Variants in TBRG1 observed in about 807,000 individuals in gnomAD.
The protein encoded by TBRG1 is transforming growth factor beta regulator 1.
In TBRG1, 31 loss-of-function variants were observed where a neutral mutation model predicts 44.0. The ratio of observed to expected loss-of-function variants is 0.70; its 90% CI spans 0.53 to 0.95. The LOEUF (loss-of-function observed/expected upper bound fraction) is 0.95, where lower values mean the gene tolerates loss of function less well. Ranked by LOEUF, TBRG1 falls within the 40% of genes least tolerant of loss-of-function variation. The pLI, the probability that TBRG1 is intolerant of heterozygous loss-of-function variation, is 0.00. For missense variants in TBRG1, 487 were observed against 496.1 expected (o/e 0.98, Z 0.18); for synonymous variants, 171 against 188.1 (o/e 0.91, Z 0.74).
At position 124,634,389 on chromosome 11, in the gene TBRG1, CT is replaced by C. The variant is rs1232437496; in HGVS notation, c.*2155del. The C allele has an allele frequency of 6.6e-6, 1 of 152,076 alleles. No individual in the cohort carries two copies. Among genetic ancestry groups the C allele is most frequent in the East Asian group, 1.9e-4 (1 of 5,186 alleles). The allele number at this position is 152,076 out of a possible 1,614,324, so 9.4% of individuals were successfully genotyped here. A position where few individuals can be genotyped will look rare whatever the true frequency, so the allele number is the denominator to read the frequency against. ...CACTGCCTTAGTATACTTAAACTAT[CT>C]TTTCATCTATCAGATTGTTAAGGAT... On this transcript the variant is annotated 3_prime_UTR_variant, in exon 9 of 9. Coordinates refer to ENST00000441174, the MANE Select transcript of TBRG1 (RefSeq NM_032811.3).
intron 7 of TBRG1, chr11:124,631,057 T>G (rs11601766): frequency 0.082 from 51,832 of 634,538 alleles, 2,330 homozygotes; most frequent in African/African-American, 0.094. Context: ...ATTACTATTT[T>G]CTGTATGTAC....
At chr11:124,625,053 G>A in intron 2 of TBRG1, 52 bp downstream of exon 2, 1 of 1,295,438 alleles carries the variant, frequency 7.7e-7, no homozygotes, top group Non-Finnish European at 1.1e-6. Flanking sequence ...GATTGATTTG[G>A]TGATTGATAA....
chr11:124,628,114 T>TAC (rs1565400588), intron 5 of TBRG1, among the ~76,000 whole-genome samples: 21 of 45,174 alleles, frequency 4.6e-4, no homozygotes, highest in Non-Finnish European at 6.5e-4. Context: ...TATATATATA[T>TAC]ATACACACAC....
chr11:124,623,001 G>T lies in TBRG1; in HGVS notation c.-83G>T. 7.1e-7 allele frequency: 1 copy of T among 1,412,448 alleles called. No individual in the cohort carries two copies. Among genetic ancestry groups the T allele is most frequent in the South Asian group, 1.5e-5 (1 of 67,950 alleles). The allele number at this position is 1,412,448 out of a possible 1,614,324, so 87.5% of individuals were successfully genotyped here. Reference sequence around the variant, plus strand: ...GGCCCGATTCCGCTAGCCCGGAACAGACAAAGCCAGCGCTCCCGCCCGCTC... The same window carrying T: ...GGCCCGATTCCGCTAGCCCGGAACATACAAAGCCAGCGCTCCCGCCCGCTC... On this transcript the variant is annotated 5_prime_UTR_variant, in exon 1 of 9. Coordinates refer to ENST00000441174, the MANE Select transcript of TBRG1 (RefSeq NM_032811.3).
chr11:124,633,235 T>TA lies in TBRG1; in HGVS notation c.*999dup, dbSNP rs1267884226. The TA allele has an allele frequency of 6.6e-6, 1 of 152,252 alleles. No homozygotes were observed. The highest frequency in any genetic ancestry group is 1.5e-5 in the Non-Finnish European group (1 of 68,052). 9.4% of individuals were successfully genotyped at this position (152,252 alleles called of 1,614,324 possible). On this transcript the variant is annotated 3_prime_UTR_variant, in exon 9 of 9. Coordinates refer to ENST00000441174, the MANE Select transcript of TBRG1 (RefSeq NM_032811.3). Reference sequence around the variant, plus strand: ...AATTGGGGGTTAGTCCCATACTCTATAACAGACTTAGTCCTGTCTTTTCAT... The same window carrying TA: ...AATTGGGGGTTAGTCCCATACTCTATAAACAGACTTAGTCCTGTCTTTTCAT...
rs1942665457 is a variant in TBRG1 at position 124,633,973 on chromosome 11, A to G, written c.*1735A>G. 6.6e-6 allele frequency: 1 copy of G among 152,254 alleles called. No homozygotes were observed. The highest frequency in any genetic ancestry group is 1.5e-5 in the Non-Finnish European group (1 of 68,042). The allele number at this position is 152,254 out of a possible 1,614,324, so 9.4% of individuals were successfully genotyped here. On this transcript the variant is annotated 3_prime_UTR_variant, in exon 9 of 9. Transcript: ENST00000441174. Reference sequence around the variant, plus strand: ...TCAGCTATAATGCATATACAACTATAGTGTGTACGTATACCACATATACAT... The same window carrying G: ...TCAGCTATAATGCATATACAACTATGGTGTGTACGTATACCACATATACAT...
At position 124,626,596 on chromosome 11, in the gene TBRG1, A is replaced by G; in HGVS notation, c.578A>G (p.Tyr193Cys). ...FPIGLGGLTV[Y>C]SLGEIITDRP... ...ATCGGACTAGGGGGTCTAACAGTAT[A>G]TAGCCTGGGGGAGGTGAGTGAGACC... The change falls in exon 4 of 9, where the codon TAT (tyrosine) becomes TGT (cysteine). Residue 193 changes from tyrosine to cysteine, a missense_variant. Physicochemically the swap from Tyr to Cys is radical, Grantham distance 194 (BLOSUM62 -2). Coordinates refer to ENST00000441174, the MANE Select transcript of TBRG1 (RefSeq NM_032811.3). The G allele has an allele frequency of 1.3e-6, 2 of 1,551,672 alleles. No homozygotes were observed. The highest frequency in any genetic ancestry group is 1.7e-6 in the Non-Finnish European group (2 of 1,146,974).
rs1942379196 is a variant in TBRG1, at chr11:124,623,209, C to G, written c.126C>G (p.Arg42=). The G allele has an allele frequency of 1.3e-6, 2 of 1,551,484 alleles. No individual in the cohort carries two copies. The highest frequency in any genetic ancestry group is 1.7e-6 in the Non-Finnish European group (2 of 1,147,022). ...ACCGGCTGAAGTACCTGCGGCTGCG[C>G]AAAGCGGCCAAGGCCACGGTGTTTG... The part of the protein sequence containing the change: ...EKYRLKYLRL[R]KAAKATVFEN... The change falls in exon 1 of 9, where the codon CGC becomes CGG. Residue 42 remains arginine (R), a synonymous_variant. Coordinates refer to ENST00000441174, the MANE Select transcript of TBRG1 (RefSeq NM_032811.3).
chr11:124,632,177 A>G lies in TBRG1; in HGVS notation c.1175A>G (p.Asp392Gly), dbSNP rs1260395989. ...TACCTGACACATGAACCCTTGGTAG[A>G]TACTCACCTGCAGCACTTGAAGTCT... ...PMYLTHEPLV[D>G]THLQHLKSPS... Residue 392 changes from aspartate (D) to glycine (G), a missense_variant, in exon 9 of 9, where the codon GAT (aspartate) becomes GGT (glycine). By Grantham distance (94) the Asp-to-Gly change is moderately conservative. Transcript: ENST00000441174. 2 of 1,613,750 alleles carry G rather than the reference A, an allele frequency of 1.2e-6. No individual in the cohort carries two copies. Among genetic ancestry groups the G allele is most frequent in the East Asian group, 2.2e-5 (1 of 44,860 alleles).
At chr11:124,623,779 C>T (rs1942395211) in intron 1 of TBRG1, among the ~76,000 whole-genome samples, 1 of 152,246 alleles carries the variant, frequency 6.6e-6, no homozygotes, top group African/African-American at 2.4e-5. Context: ...CCCCCTCTAA[C>T]CTTTGAGTGT....
chr11:124,626,786 C>T, intron 4 of TBRG1, 118 bp from the exon 5 acceptor site: 1 of 1,496,520 alleles, frequency 6.7e-7, no homozygotes, highest in East Asian at 2.5e-5. Context: ...TACTCTCTGT[C>T]TTTGTGTGAT....
In TBRG1 at chr11:124,632,399, T is replaced by G. The variant is rs560107789; in HGVS notation, c.*161T>G. 4 of 529,106 alleles carry G rather than the reference T, an allele frequency of 7.6e-6. No individual in the cohort carries two copies. The highest frequency in any genetic ancestry group is 1.3e-5 in the Non-Finnish European group (4 of 302,820). The allele number at this position is 529,106 out of a possible 1,614,324, so 32.8% of individuals were successfully genotyped here. A position where few individuals can be genotyped will look rare whatever the true frequency, so the allele number is the denominator to read the frequency against. The stretch of plus-strand genomic sequence containing the variant: ...GTGATGGTTTTCCCTGGGAAAACCT[T>G]CAGCTGCTTTATTTTTAGTAATAAA... On this transcript the variant is annotated 3_prime_UTR_variant, in exon 9 of 9. Coordinates refer to ENST00000441174, the MANE Select transcript of TBRG1 (RefSeq NM_032811.3).
chr11:124,632,008 A>T (rs916541510), intron 8 of TBRG1, 85 bp from the exon 9 acceptor site: 3 of 1,179,206 alleles, frequency 2.5e-6, no homozygotes, highest in Non-Finnish European at 3.7e-6. Flanking sequence ...TAAGGAATTG[A>T]TTGAAAGGAC....
chr11:124,626,533 C>T lies in TBRG1; in HGVS notation c.515C>T (p.Pro172Leu). The T allele has an allele frequency of 1.3e-6, 2 of 1,551,264 alleles. No homozygotes were observed. Among genetic ancestry groups the T allele is most frequent in the Non-Finnish European group, 1.7e-6 (2 of 1,146,732 alleles). ...MAGGARKLVQ[P>L]IALDPSGRPV... Reference sequence around the variant, plus strand: ...GGAGGTGCTCGCAAGCTGGTTCAGCCCATTGCCCTGGATCCCTCAGGACGG... The same window carrying T: ...GGAGGTGCTCGCAAGCTGGTTCAGCTCATTGCCCTGGATCCCTCAGGACGG... Residue 172 changes from proline (P) to leucine (L), a missense_variant, in exon 4 of 9, where the codon CCC becomes CTC. Pro to Leu is a moderately conservative substitution (Grantham distance 98). Coordinates refer to ENST00000441174, the MANE Select transcript of TBRG1 (RefSeq NM_032811.3).
Position 124,635,907 on chromosome 11 carries a change from AAC to A in TBRG1, c.*3672_*3673del, listed in dbSNP as rs1459364611. ...ACTGCATTAAGATTCTTAATAAACA[AAC>A]ACTGAAGGCCTCTTTCATATTTGTA... is the stretch of plus-strand genomic sequence containing the variant. On this transcript the variant is annotated 3_prime_UTR_variant, in exon 9 of 9. Transcript: ENST00000441174. The A allele has an allele frequency of 6.6e-6, 1 of 152,226 alleles. No homozygotes were observed. The highest frequency in any genetic ancestry group is 1.5e-5 in the Non-Finnish European group (1 of 68,036). The allele number at this position is 152,226 out of a possible 1,614,324, so 9.4% of individuals were successfully genotyped here.
rs1248790972 is a variant in TBRG1, at chr11:124,634,701, C to T, written c.*2463C>T. On this transcript the variant is annotated 3_prime_UTR_variant, in exon 9 of 9. Coordinates refer to ENST00000441174, the MANE Select transcript of TBRG1 (RefSeq NM_032811.3). ...AAATTGGTTAAATAAAATGAGGCTT[C>T]CACAAACTGAAACACTCTAAATCTA... is the stretch of plus-strand genomic sequence containing the variant. The T allele has an allele frequency of 6.6e-6, 1 of 152,012 alleles. No individual in the cohort carries two copies. Among genetic ancestry groups the T allele is most frequent in the Non-Finnish European group, 1.5e-5 (1 of 68,004 alleles). The allele number at this position is 152,012 out of a possible 1,614,324, so 9.4% of individuals were successfully genotyped here. A position where few individuals can be genotyped will look rare whatever the true frequency, so the allele number is the denominator to read the frequency against.
chr11:124,625,654 T>G lies in TBRG1; in HGVS notation c.222-17T>G. 6.5e-7 allele frequency: 1 copy of G among 1,547,864 alleles called. No individual in the cohort carries two copies. The highest frequency in any genetic ancestry group is 8.7e-7 in the Non-Finnish European group (1 of 1,145,812). On this transcript the variant is annotated splice_polypyrimidine_tract_variant and intron_variant, in intron 2 of 8. Transcript: ENST00000441174. ...TACGGAAGTTCATTTCTCTGCTCCT[T>G]TCCTTCCTGATCTCAGGTACTTGCT...
intron 5 of TBRG1, among the ~76,000 whole-genome samples, chr11:124,629,174 A>C (rs1183337657): frequency 6.6e-6 from 1 of 152,196 alleles, no homozygotes; most frequent in Non-Finnish European, 1.5e-5. Flanking sequence ...TTTGAAATTA[A>C]TTACACACAG....
chr11:124,625,032 A>G lies in TBRG1; in HGVS notation c.221+31A>G, dbSNP rs377554795. On this transcript the variant is annotated intron_variant, in intron 2 of 8. Transcript: ENST00000441174. ...CTGGCTTCATTTTGTGTTCAGCATC[A>G]CCTTTTTGGTGATTGATTTGGTGAT... The G allele has an allele frequency of 4.6e-5, 67 of 1,450,340 alleles. 1 individual carries two copies. The East Asian group carries it at 7.4e-4, about 16-fold the overall frequency. 89.8% of individuals were successfully genotyped at this position (1,450,340 alleles called of 1,614,324 possible).
Sources: gnomAD v4.1 joint callset for allele counts (sites outside exome capture counted in the v4.1 genomes callset) on GRCh38, gnomAD v4.1.1 for gene constraint, MANE v1.5 for transcripts, NCBI Gene and HGNC (gene_info 2026-07-23, HGNC 2026-07-21) for gene names.